TEX9: variants seen among roughly 807,000 people sequenced by gnomAD.
The protein encoded by TEX9 is testis-expressed protein 9.
In TEX9, 74 loss-of-function variants were observed where a neutral mutation model predicts 59.6. That is an observed-to-expected ratio of 1.24 (90% CI 1.03 to 1.51). TEX9 has a LOEUF of 1.51. Ranked by LOEUF, TEX9 falls within the 40% of genes most tolerant of loss-of-function variation. TEX9 has a pLI of 0.00. For missense variants in TEX9, 522 were observed against 447.8 expected (o/e 1.17, Z -1.49); for synonymous variants, 186 against 152.2 (o/e 1.22, Z -1.64).
chr15:56,272,330 A>G (rs1402372656), intron 1 of TEX9, among the ~76,000 whole-genome samples: 1 of 152,020 alleles, frequency 6.6e-6, no homozygotes, highest in East Asian at 1.9e-4. Flanking sequence ...TTCTCTATGG[A>G]TTTTCATATT....
chr15:56,457,775 A>G, the TEX9 span, among the ~76,000 whole-genome samples: 2 of 151,994 alleles, frequency 1.3e-5, no homozygotes, highest in Admixed American at 6.6e-5. Context: ...TGATCATGCC[A>G]CTGCACTCCA....
intron 7 of TEX9, among the ~76,000 whole-genome samples, chr15:56,393,137 A>G (rs1253631035): frequency 2.0e-5 from 3 of 152,026 alleles, no homozygotes; most frequent in African/African-American, 7.2e-5. Flanking sequence ...AGTTAGGGAG[A>G]AAAAGAAATG....
chr15:56,366,023 A>G lies in TEX9; in HGVS notation c.119+353A>G, dbSNP rs183426296. ...AGTTTAGGTTATTTCGCTTAATATC[A>G]AGTTCATAGAGTTTACCTTGTGTAA... On this transcript the variant is annotated intron_variant, in intron 2 of 12. Coordinates refer to ENST00000352903, the Ensembl canonical transcript of TEX9. The G allele has an allele frequency of 1.5e-4, 81 of 550,102 alleles. 1 individual carries two copies. The Middle Eastern group carries it at 4.7e-3, about 32-fold the overall frequency. 34.1% of individuals were successfully genotyped at this position (550,102 alleles called of 1,614,324 possible).
At chr15:56,298,816 T>A (rs541503865) in intron 1 of TEX9, among the ~76,000 whole-genome samples, 33 of 152,370 alleles carry the variant, frequency 2.2e-4, no homozygotes, top group African/African-American at 7.9e-4. Flanking sequence ...TTTGGAAAAG[T>A]ACTTAACACA....
intron 1 of TEX9, among the ~76,000 whole-genome samples, chr15:56,332,624 A>AG (rs1365546964): frequency 2.0e-5 from 3 of 151,918 alleles, no homozygotes; most frequent in Non-Finnish European, 4.4e-5. Flanking sequence ...TATAAAAAAA[A>AG]AAAGAACTAG....
At chr15:56,334,581 C>A (rs1284755129) in intron 1 of TEX9, among the ~76,000 whole-genome samples, 1 of 152,146 alleles carries the variant, frequency 6.6e-6, no homozygotes, top group Non-Finnish European at 1.5e-5. Context: ...CTCTTTAGAA[C>A]ATTGGTTTGG....
chr15:56,245,781 A>G (rs977759948), intron 1 of TEX9, among the ~76,000 whole-genome samples: 2 of 152,210 alleles, frequency 1.3e-5, no homozygotes, highest in African/African-American at 4.8e-5. Context: ...GCAGGAGCCA[A>G]AATTTGAGTC....
intron 4 of TEX9, among the ~76,000 whole-genome samples, chr15:56,385,681 GA>G (rs1567113759): frequency 6.6e-6 from 1 of 151,856 alleles, no homozygotes; most frequent in African/African-American, 2.4e-5. Context: ...TAGTTTGGGG[GA>G]AAGTTTTATC....
intron 4 of TEX9, among the ~76,000 whole-genome samples, chr15:56,386,270 G>C (rs1007622120): frequency 2.0e-5 from 3 of 151,816 alleles, no homozygotes; most frequent in Non-Finnish European, 4.4e-5. Flanking sequence ...TCTGGGGCTT[G>C]AGTAGGAGTT....
intron 9 of TEX9, chr15:56,396,679 G>A (rs1405603855): frequency 6.6e-6 from 1 of 151,586 alleles, no homozygotes; most frequent in Non-Finnish European, 1.5e-5. Context: ...GCCGGTGGGA[G>A]GTAATTGAAT....
At chr15:56,452,415 G>A in the TEX9 span, among the ~76,000 whole-genome samples, 1 of 152,120 alleles carries the variant, frequency 6.6e-6, no homozygotes. Context: ...GGTTCTTATT[G>A]GGGGTGGTAA....
chr15:56,328,330 C>A (rs1216101661), intron 1 of TEX9, among the ~76,000 whole-genome samples: 4 of 152,154 alleles, frequency 2.6e-5, no homozygotes, highest in African/African-American at 9.7e-5. Context: ...GAATAACCAG[C>A]AGTGACACCC....
chr15:56,434,324 C>T, intron 12 of TEX9: 1 of 1,613,738 alleles, frequency 6.2e-7, no homozygotes, highest in Non-Finnish European at 8.5e-7. Flanking sequence ...GCACTAATTC[C>T]TTCAAGGCCA....
chr15:56,296,571 A>G (rs1331129523), intron 1 of TEX9, among the ~76,000 whole-genome samples: 1 of 152,246 alleles, frequency 6.6e-6, no homozygotes, highest in East Asian at 1.9e-4. Context: ...TCAAAGTTAT[A>G]TAAAAAGTTA....
At chr15:56,365,856 A>T (rs2046918983) in intron 2 of TEX9, 186 bp downstream of exon 2, 1 of 1,414,878 alleles carries the variant, frequency 7.1e-7, no homozygotes, top group South Asian at 1.5e-5. Context: ...TCGCCTGCGT[A>T]TTAGAAGATA....
intron 12 of TEX9, chr15:56,429,008 G>C (rs1223416206): frequency 1.5e-6 from 1 of 645,832 alleles, no homozygotes. Flanking sequence ...ACAGACAATG[G>C]ATACCTAATG....
chr15:56,426,562 GTT>G (rs35594267), intron 10 of TEX9, among the ~76,000 whole-genome samples: 15,629 of 53,870 alleles, frequency 0.29, 1,929 homozygotes, highest in Middle Eastern at 0.42. Context: ...TTAAAGAGGT[GTT>G]TTTTTTTTTT....
chr15:56,391,270 A>G (rs1318440432), exon 7 of TEX9: 10 of 1,575,962 alleles, frequency 6.3e-6, no homozygotes, highest in Non-Finnish European at 8.6e-6. Context: ...CTGATGTCCA[A>G]ACTGCCGACG....
chr15:56,309,930 A>C (rs547063875), intron 1 of TEX9, among the ~76,000 whole-genome samples: 10 of 152,140 alleles, frequency 6.6e-5, no homozygotes, highest in African/African-American at 1.9e-4. Flanking sequence ...AGGTGGTAGC[A>C]GGTTGGTCCA....
Sources: gnomAD v4.1 joint callset for allele counts (sites outside exome capture counted in the v4.1 genomes callset) on GRCh38, gnomAD v4.1.1 for gene constraint, MANE v1.5 for transcripts, NCBI Gene and HGNC (gene_info 2026-07-23, HGNC 2026-07-21) for gene names.